The following AP3M1 variants were observed in gnomAD, a reference collection of about 807,000 sequenced individuals.
AP3M1 encodes the protein adaptor related protein complex 3 subunit mu 1, also known as AP-3 complex subunit mu-1.
Under a neutral mutation model 42.6 loss-of-function variants are expected in AP3M1, and 29 were observed. The observed-to-expected ratio is 0.68, with a 90% CI of 0.51 to 0.93. AP3M1 has a LOEUF of 0.93. Ranked by LOEUF, AP3M1 falls within the 40% of genes least tolerant of loss-of-function variation. The pLI, the probability that AP3M1 is intolerant of heterozygous loss-of-function variation, is 0.00. For synonymous variants in AP3M1, 178 were observed against 175.3 expected (o/e 1.02, Z -0.12); for missense variants, 416 against 510.2 (o/e 0.82, Z 1.78).
chr10:74,136,928 A>G (rs545983395), intron 2 of AP3M1, 125 bp from the exon 3 acceptor site: 33 of 603,242 alleles, frequency 5.5e-5, no homozygotes, highest in Admixed American at 2.8e-4. Context: ...GAACATATAT[A>G]AAACAGAGCG....
Position 74,146,945 on chromosome 10 carries a change from A to T in AP3M1, c.-4+3810T>A, listed in dbSNP as rs530751791. ...TATTAGTGTATTTCCAGAAGAATGG[A>T]GTGGTAAATACTGTTACATGGCACA... On this transcript the variant is annotated intron_variant, in intron 1 of 8. Transcript: ENST00000355264. Among the ~76,000 whole-genome samples, 11 of 152,100 alleles carry T rather than the reference A, an allele frequency of 7.2e-5. No homozygotes were observed. In the East Asian group the frequency reaches 1.2e-3, roughly 16 times the overall value.
chr10:74,139,687 GT>G (rs1340731309), intron 1 of AP3M1, among the ~76,000 whole-genome samples: 2 of 151,926 alleles, frequency 1.3e-5, no homozygotes, highest in African/African-American at 4.8e-5. Context: ...GGAGGCCGAG[GT>G]GGGTGGATCA....
chr10:74,144,047 C>T (rs570530687), intron 1 of AP3M1, among the ~76,000 whole-genome samples: 19 of 152,248 alleles, frequency 1.2e-4, no homozygotes, highest in Admixed American at 5.2e-4. Flanking sequence ...CTGCAAGCTC[C>T]GCCTCCCAGG....
chr10:74,138,062 C>T (rs1841000380), intron 2 of AP3M1, 45 bp downstream of exon 2: 1 of 1,572,158 alleles, frequency 6.4e-7, no homozygotes, highest in South Asian at 1.2e-5. Context: ...TCACCTTCAG[C>T]TAACTTGGGT....
intron 4 of AP3M1, among the ~76,000 whole-genome samples, chr10:74,131,994 G>A (rs910542758): frequency 6.6e-5 from 10 of 152,058 alleles, no homozygotes; most frequent in Non-Finnish European, 1.2e-4. Context: ...CTTTCCTTAT[G>A]TGTAAAATAA....
chr10:74,132,217 T>C (rs1187736365), intron 4 of AP3M1, among the ~76,000 whole-genome samples: 1 of 151,848 alleles, frequency 6.6e-6, no homozygotes, highest in Non-Finnish European at 1.5e-5. Context: ...TTTGTATTTA[T>C]AGTAGAGACG....
chr10:74,129,087 C>T, intron 6 of AP3M1, 21 bp downstream of exon 6: 1 of 1,612,982 alleles, frequency 6.2e-7, no homozygotes, highest in Non-Finnish European at 8.5e-7. Context: ...ATGGCAGATT[C>T]TGGCTGATGC....
At chr10:74,126,073 C>A in intron 7 of AP3M1, 75 bp downstream of exon 7, 1 of 1,492,936 alleles carries the variant, frequency 6.7e-7, no homozygotes, top group Non-Finnish European at 9.3e-7. Flanking sequence ...CCAAACCTTT[C>A]CCTCCATTCC....
chr10:74,140,479 AC>A (rs946679398), intron 1 of AP3M1, among the ~76,000 whole-genome samples: 6 of 152,110 alleles, frequency 3.9e-5, no homozygotes, highest in African/African-American at 1.4e-4. Flanking sequence ...TTCCCCTCAC[AC>A]TTGACATGAT....
At chr10:74,147,664 T>C (rs961160124) in intron 1 of AP3M1, among the ~76,000 whole-genome samples, 2 of 152,238 alleles carry the variant, frequency 1.3e-5, no homozygotes, top group Non-Finnish European at 2.9e-5. Context: ...GCTTTGAGAA[T>C]GCATGATTTA....
At chr10:74,124,594 A>G (rs1840562456) in intron 7 of AP3M1, 70 bp from the exon 8 acceptor site, 5 of 1,345,562 alleles carry the variant, frequency 3.7e-6, no homozygotes, top group Non-Finnish European at 5.0e-6. Context: ...AACAAAGTTC[A>G]AAGATATCAT....
intron 2 of AP3M1, among the ~76,000 whole-genome samples, chr10:74,137,575 T>C (rs1336525513): frequency 6.6e-6 from 1 of 152,210 alleles, no homozygotes; most frequent in African/African-American, 2.4e-5. Context: ...CCTGATGATA[T>C]ACAGTCATCC....
intron 1 of AP3M1, among the ~76,000 whole-genome samples, chr10:74,149,975 C>G (rs1841495326): frequency 6.6e-6 from 1 of 152,230 alleles, no homozygotes; most frequent in East Asian, 1.9e-4. Flanking sequence ...ATTCTGATTT[C>G]AGCTTCCTCC....
chr10:74,136,813 T>C lies in AP3M1; in HGVS notation c.274-10A>G, dbSNP rs370149562. The C allele has an allele frequency of 2.7e-6, 4 of 1,471,838 alleles. No individual in the cohort carries two copies. Among genetic ancestry groups the C allele is most frequent in the South Asian group, 2.9e-5 (2 of 69,654 alleles). 91.2% of individuals were successfully genotyped at this position (1,471,838 alleles called of 1,614,324 possible). A position where few individuals can be genotyped will look rare whatever the true frequency, so the allele number is the denominator to read the frequency against. Reference sequence around the variant, plus strand: ...ACTCACCAAAGTAGTCCTGACAAAATACACACAAAATATCACACAATGGAA... The same window carrying C: ...ACTCACCAAAGTAGTCCTGACAAAACACACACAAAATATCACACAATGGAA... On this transcript the variant is annotated splice_polypyrimidine_tract_variant and intron_variant, in intron 2 of 8. Coordinates refer to ENST00000355264, the MANE Select transcript of AP3M1 (RefSeq NM_012095.6).
At chr10:74,129,380 T>G in intron 5 of AP3M1, 139 bp from the exon 6 acceptor site, 1 of 712,686 alleles carries the variant, frequency 1.4e-6, no homozygotes, top group South Asian at 2.3e-5. Context: ...ACCTTATAGT[T>G]TCATAATGCT....
chr10:74,145,180 T>C (rs945260211), intron 1 of AP3M1, among the ~76,000 whole-genome samples: 10 of 152,106 alleles, frequency 6.6e-5, no homozygotes, highest in African/African-American at 2.4e-4. Flanking sequence ...TCTGAAAGAG[T>C]TGCTTGTTTT....
At chr10:74,131,399 C>T (rs1005038467) in intron 4 of AP3M1, among the ~76,000 whole-genome samples, 1 of 151,996 alleles carries the variant, frequency 6.6e-6, no homozygotes, top group African/African-American at 2.4e-5. Flanking sequence ...GATCTCCTAA[C>T]CTCGTGATCC....
In AP3M1 at chr10:74,124,453, CTG is replaced by C; in HGVS notation, c.1081_1082del (p.Gln361ValfsTer17). 1.2e-6 allele frequency: 2 copies of C among 1,613,796 alleles called. No individual in the cohort carries two copies. The highest frequency in any genetic ancestry group is 1.1e-5 in the South Asian group (1 of 90,962). On this transcript the variant is annotated frameshift_variant, in exon 8 of 9. Coordinates refer to ENST00000355264, the MANE Select transcript of AP3M1 (RefSeq NM_012095.6). LOFTEE classifies it high-confidence loss of function. ...TCTCTTCTGGTTTGGGGGCTCCAGA[CTG>C]TAAATTTACCAGTCCTTTAAGACTT... is the stretch of plus-strand genomic sequence containing the variant. ...LPSLKGLVNL[Q>X]SGAPKPEENP...
intron 3 of AP3M1, 134 bp from the exon 4 acceptor site, chr10:74,134,298 G>C: frequency 1.1e-6 from 1 of 923,436 alleles, no homozygotes. Context: ...CACTAGAATT[G>C]TCAGACATAT....
Sources: allele counts gnomAD v4.1 joint callset (sites outside exome capture counted in the v4.1 genomes callset), GRCh38; gene constraint gnomAD v4.1.1; transcripts MANE v1.5; gene names NCBI Gene and HGNC (gene_info 2026-07-23, HGNC 2026-07-21).